PNN: variants seen among roughly 807,000 people sequenced by gnomAD.
PNN encodes pinin.
In PNN, 38 loss-of-function variants were observed where a neutral mutation model predicts 76.6. The observed-to-expected ratio is 0.50, with a 90% CI of 0.38 to 0.65. The LOEUF (loss-of-function observed/expected upper bound fraction) is 0.65. Ranked by LOEUF, PNN falls within the 30% of genes least tolerant of loss-of-function variation. The pLI is 0.00. For synonymous variants in PNN, 366 were observed against 283.7 expected, an observed-to-expected ratio of 1.29 and a Z score of -2.91; for missense variants, 873 against 874.1, an observed-to-expected ratio of 1.00 and a Z score of 0.02.
chr14:39,177,814 A>C (rs1378294148), intron 5 of PNN, 27 bp from the exon 6 acceptor site: 28 of 1,557,612 alleles, frequency 1.8e-5, no homozygotes, highest in Non-Finnish European at 2.4e-5. Flanking sequence ...TCCTGTTGAC[A>C]GTAAATTTTC....
chr14:39,179,153 G>A lies in PNN; in HGVS notation c.561G>A (p.Gln187=), dbSNP rs145973732. 4 of 1,614,004 alleles carry A rather than the reference G, an allele frequency of 2.5e-6. No individual in the cohort carries two copies. Among genetic ancestry groups the A allele is most frequent in the Non-Finnish European group, 2.5e-6 (3 of 1,179,990 alleles). Residue 187 remains glutamine (Q), a synonymous_variant, in exon 7 of 9, where the codon CAG becomes CAA. Transcript: ENST00000216832. The part of the protein sequence containing the change: ...LEVQAEEERK[Q]VENERRELFE... ...TTCAGGCAGAAGAAGAGAGAAAGCA[G>A]GTTGAAAATGAAAGGAGAGAACTGT...
chr14:39,177,815 G>A, intron 5 of PNN, 26 bp from the exon 6 acceptor site: 2 of 1,569,844 alleles, frequency 1.3e-6, no homozygotes, highest in South Asian at 1.1e-5. Context: ...CCTGTTGACA[G>A]TAAATTTTCT....
chr14:39,180,884 T>C lies in PNN; in HGVS notation c.1175T>C (p.Met392Thr), dbSNP rs748503825. 6.2e-6 allele frequency: 10 copies of C among 1,614,016 alleles called. No individual in the cohort carries two copies. Among genetic ancestry groups the C allele is most frequent in the Non-Finnish European group, 8.5e-6 (10 of 1,180,010 alleles). Residue 392 changes from methionine to threonine, a missense_variant, in exon 9 of 9, where the codon ATG (methionine) becomes ACG (threonine). Physicochemically the swap from Met to Thr is moderately conservative, Grantham distance 81. Coordinates refer to ENST00000216832, the MANE Select transcript of PNN (RefSeq NM_002687.4). Reference sequence around the variant, plus strand: ...GAAGAAGTTATGGATGTGCTAGAGATGGTTGAGAATGTCAAACATGTAATT... The same window carrying C: ...GAAGAAGTTATGGATGTGCTAGAGACGGTTGAGAATGTCAAACATGTAATT... ...QPEEVMDVLE[M>T]VENVKHVIAD...
intron 1 of PNN, 91 bp downstream of exon 1, chr14:39,175,483 A>G: frequency 2.5e-6 from 2 of 791,462 alleles, no homozygotes; most frequent in Non-Finnish European, 4.3e-6. Context: ...GGCCAGCCTT[A>G]AGAAGACTGG....
rs944253038 is a variant in PNN at position 39,181,246 on chromosome 14, A to G, written c.1537A>G (p.Thr513Ala). 2 of 1,614,046 alleles carry G rather than the reference A, an allele frequency of 1.2e-6. No individual in the cohort carries two copies. The highest frequency in any genetic ancestry group is 1.7e-6 in the Non-Finnish European group (2 of 1,180,032). The change falls in exon 9 of 9, where the codon ACA becomes GCA. Residue 513 changes from threonine to alanine, a missense_variant. Thr to Ala is a moderately conservative substitution (Grantham distance 58). Around this residue, in one of 3 missense-constraint regions of PNN, gnomAD observed 712 missense variants for 693.1 expected, o/e 1.03. Coordinates refer to ENST00000216832, the MANE Select transcript of PNN (RefSeq NM_002687.4). ...TTTGTCATTAGCTGTTTTACAGCCA[A>G]CACCCCAAGTTACTCAGGAGCAAGG... ...EDLSLAVLQP[T>A]PQVTQEQGHL...
chr14:39,178,941 C>T (rs1566558255), intron 6 of PNN, 150 bp from the exon 7 acceptor site: 3 of 681,468 alleles, frequency 4.4e-6, no homozygotes, highest in Non-Finnish European at 4.7e-6. Flanking sequence ...GTGGTGTTGG[C>T]TTCTGACTTC....
Position 39,180,905 on chromosome 14 carries a change from T to C in PNN, c.1196T>C (p.Val399Ala). The change falls in exon 9 of 9, where the codon GTA becomes GCA. Residue 399 changes from valine to alanine, a missense_variant. Transcript: ENST00000216832. ...VLEMVENVKHVIADQEVMETN... is the reference protein window; with the variant it reads ...VLEMVENVKHAIADQEVMETN... ...GAGATGGTTGAGAATGTCAAACATG[T>C]AATTGCTGACCAGGAGGTAATGGAA... 1 of 1,614,064 alleles carries C rather than the reference T, an allele frequency of 6.2e-7. No individual in the cohort carries two copies. Among genetic ancestry groups the C allele is most frequent in the Non-Finnish European group, 8.5e-7 (1 of 1,179,946 alleles).
rs2053267452 is a variant in PNN, at chr14:39,181,250, C to T, written c.1541C>T (p.Pro514Leu). The change falls in exon 9 of 9, where the codon CCC becomes CTC. Residue 514 changes from proline (P) to leucine (L), a missense_variant. Coordinates refer to ENST00000216832, the MANE Select transcript of PNN (RefSeq NM_002687.4). ...DLSLAVLQPT[P>L]QVTQEQGHLL... ...TCATTAGCTGTTTTACAGCCAACACCCCAAGTTACTCAGGAGCAAGGGCAT... is the reference window on the plus strand; with the variant it reads ...TCATTAGCTGTTTTACAGCCAACACTCCAAGTTACTCAGGAGCAAGGGCAT... 2.5e-6 allele frequency: 4 copies of T among 1,613,956 alleles called. No individual in the cohort carries two copies. The highest frequency in any genetic ancestry group is 2.7e-5 in the African/African-American group (2 of 74,894).
Position 39,180,679 on chromosome 14 carries a change from A to G in PNN, c.970A>G (p.Asn324Asp). ...QREEELEETG[N>D]QHNDVEIEEA... ...AGAGGAAGAGTTGGAGGAGACAGGT[A>G]ATCAGCACAATGATGTAGAAATAGA... Residue 324 changes from asparagine (N) to aspartate (D), a missense_variant, in exon 9 of 9, where the codon AAT becomes GAT. Coordinates refer to ENST00000216832, the MANE Select transcript of PNN (RefSeq NM_002687.4). 6.2e-7 allele frequency: 1 copy of G among 1,610,164 alleles called. No individual in the cohort carries two copies. The highest frequency in any genetic ancestry group is 8.5e-7 in the Non-Finnish European group (1 of 1,177,806).
rs779765814 is a variant in PNN at position 39,181,222 on chromosome 14, T to A, written c.1513T>A (p.Leu505Met). Residue 505 changes from leucine to methionine, a missense_variant, in exon 9 of 9, where the codon TTG becomes ATG. Leu to Met is a conservative substitution (Grantham distance 15). Around this residue, in one of 3 missense-constraint regions of PNN, gnomAD observed 712 missense variants for 693.1 expected, o/e 1.03. Transcript: ENST00000216832. ...CCAGCCTCCCTCTCAGCCTGAGGATTTGTCATTAGCTGTTTTACAGCCAAC... is the reference window on the plus strand; with the variant it reads ...CCAGCCTCCCTCTCAGCCTGAGGATATGTCATTAGCTGTTTTACAGCCAAC... ...QSQPPSQPEDLSLAVLQPTPQ... is the reference protein window; with the variant it reads ...QSQPPSQPEDMSLAVLQPTPQ... 1.2e-6 allele frequency: 2 copies of A among 1,613,994 alleles called. No individual in the cohort carries two copies. Among genetic ancestry groups the A allele is most frequent in the Non-Finnish European group, 1.7e-6 (2 of 1,179,880 alleles).
intron 3 of PNN, among the ~76,000 whole-genome samples, 189 bp downstream of exon 3, chr14:39,176,784 G>C (rs1349488862): frequency 6.6e-6 from 1 of 152,120 alleles, no homozygotes; most frequent in Admixed American, 6.5e-5. Context: ...ACGCAGTTCT[G>C]CACTCATGAT....
At chr14:39,178,956 G>A (rs1454301913) in intron 6 of PNN, 135 bp from the exon 7 acceptor site, 2 of 772,656 alleles carry the variant, frequency 2.6e-6, no homozygotes, top group African/African-American at 1.8e-5. Flanking sequence ...GACTTCAGAT[G>A]ATCTACCTGC....
Position 39,181,056 on chromosome 14 carries a change from C to T in PNN, c.1347C>T (p.Val449=). ...CCCTTTCTCCTGGGAAAGAGAATGT[C>T]AGTGCTTTAGACATGGAAAAGGAGT... ...CKTLSPGKEN[V]SALDMEKESE... is the part of the protein sequence containing the mutation. Residue 449 remains valine (V), a synonymous_variant, in exon 9 of 9, where the codon GTC becomes GTT. Coordinates refer to ENST00000216832, the MANE Select transcript of PNN (RefSeq NM_002687.4). The T allele has an allele frequency of 1.2e-6, 2 of 1,613,426 alleles. No individual in the cohort carries two copies. The highest frequency in any genetic ancestry group is 1.7e-6 in the Non-Finnish European group (2 of 1,179,666).
chr14:39,179,901 CAAAAAA>C (rs548024138), intron 8 of PNN, among the ~76,000 whole-genome samples: 1 of 113,038 alleles, frequency 8.8e-6, no homozygotes, highest in African/African-American at 3.2e-5. Flanking sequence ...GACTCCATCT[CAAAAAA>C]AAAAAAAAAG....
At position 39,175,296 on chromosome 14, in the gene PNN, G is replaced by C. The variant is rs2053210371; in HGVS notation, c.17G>C (p.Arg6Thr). ...AGGGAGAAGATGGCGGTCGCCGTGA[G>C]AACTTTGCAGGAACAGCTGGAAAAG... MAVAV[R>T]TLQEQLEKAK... Residue 6 changes from arginine (R) to threonine (T), a missense_variant, in exon 1 of 9, where the codon AGA becomes ACA. Coordinates refer to ENST00000216832, the MANE Select transcript of PNN (RefSeq NM_002687.4). 1 of 1,607,126 alleles carries C rather than the reference G, an allele frequency of 6.2e-7. No homozygotes were observed. The highest frequency in any genetic ancestry group is 8.5e-7 in the Non-Finnish European group (1 of 1,175,868).
chr14:39,176,668 C>T, intron 3 of PNN, 73 bp downstream of exon 3: 5 of 878,612 alleles, frequency 5.7e-6, no homozygotes. Flanking sequence ...TGTTTATTAA[C>T]AATAATTCTG....
Position 39,181,902 on chromosome 14 carries a change from G to T in PNN, c.*39G>T. The T allele has an allele frequency of 6.6e-7, 1 of 1,519,254 alleles. No homozygotes were observed. The highest frequency in any genetic ancestry group is 8.8e-7 in the Non-Finnish European group (1 of 1,142,358). 94.1% of individuals were successfully genotyped at this position (1,519,254 alleles called of 1,614,324 possible). On this transcript the variant is annotated 3_prime_UTR_variant, in exon 9 of 9. Transcript: ENST00000216832. ...GCTTTCTTAGCCATTCTTTGCAGCA[G>T]AAGATTTCTTGATAAAAAAGGATTA... is the stretch of plus-strand genomic sequence containing the variant.
At position 39,182,534 on chromosome 14, in the gene PNN, G is replaced by A. The variant is rs2053277690; in HGVS notation, c.*671G>A. On this transcript the variant is annotated 3_prime_UTR_variant, in exon 9 of 9. Transcript: ENST00000216832. ...CATATGTTCGGTAGATAACTAAACA[G>A]TATGATCTGGTTGGCATTTTCTTCC... 6.6e-6 allele frequency: 1 copy of A among 152,542 alleles called. No individual in the cohort carries two copies. The highest frequency in any genetic ancestry group is 6.5e-5 in the Admixed American group (1 of 15,278). 9.4% of individuals were successfully genotyped at this position (152,542 alleles called of 1,614,324 possible). A position where few individuals can be genotyped will look rare whatever the true frequency, so the allele number is the denominator to read the frequency against.
rs1566557000 is a variant in PNN at position 39,176,153 on chromosome 14, A to G, written c.185+4A>G. On this transcript the variant is annotated splice_donor_region_variant and intron_variant, in intron 2 of 8. Coordinates refer to ENST00000216832, the MANE Select transcript of PNN (RefSeq NM_002687.4). ...GACGTGGTAGTTTATTACTGAGGTAAGATTTCCTTTGGACTTTACTCATGC... is the reference window on the plus strand; with the variant it reads ...GACGTGGTAGTTTATTACTGAGGTAGGATTTCCTTTGGACTTTACTCATGC... The G allele has an allele frequency of 3.2e-6, 5 of 1,560,130 alleles. No individual in the cohort carries two copies. Among genetic ancestry groups the G allele is most frequent in the Non-Finnish European group, 3.5e-6 (4 of 1,130,928 alleles).
Sources: allele counts gnomAD v4.1 joint callset (sites outside exome capture counted in the v4.1 genomes callset), GRCh38; gene constraint gnomAD v4.1.1; regional missense constraint gnomAD v4.1.1; transcripts MANE v1.5; gene names NCBI Gene and HGNC (gene_info 2026-07-23, HGNC 2026-07-21).